Variants in KHDRBS2 observed in about 807,000 individuals in gnomAD.
KHDRBS2 encodes the protein KH domain-containing, RNA-binding, signal transduction-associated protein 2.
A neutral mutation model predicts 44.3 loss-of-function variants in KHDRBS2; 26 were observed. The ratio of observed to expected loss-of-function variants is 0.59; its 90% CI spans 0.43 to 0.81. The LOEUF is 0.81. Among genes scored for constraint, KHDRBS2 ranks in the 40% least tolerant of loss-of-function variants. The probability of loss-of-function intolerance (pLI) is 0.00; values close to 1 mark genes in which losing one functional copy is unlikely to be tolerated. For missense variants in KHDRBS2, 476 were observed against 433.1 expected, an observed-to-expected ratio of 1.10 and a Z score of -0.88; for synonymous variants, 194 against 151.1, an observed-to-expected ratio of 1.28 and a Z score of -2.08.
At chr6:62,140,015 G>T (rs1374143298) in intron 2 of KHDRBS2, among the ~76,000 whole-genome samples, 1 of 151,774 alleles carries the variant, frequency 6.6e-6, no homozygotes, top group Non-Finnish European at 1.5e-5. Context: ...TAAATGTCTG[G>T]GTATAAATAA....
chr6:62,095,021 C>T, intron 2 of KHDRBS2, among the ~76,000 whole-genome samples: 1 of 151,770 alleles, frequency 6.6e-6, no homozygotes, highest in Non-Finnish European at 1.5e-5. Flanking sequence ...TGTTTTTGCT[C>T]AGAATTGCTT....
At chr6:61,674,782 T>A in the KHDRBS2 span, among the ~76,000 whole-genome samples, 1 of 151,722 alleles carries the variant, frequency 6.6e-6, no homozygotes, top group Non-Finnish European at 1.5e-5. Flanking sequence ...CTCAGCCAGC[T>A]CAAATTACTG....
intron 3 of KHDRBS2, among the ~76,000 whole-genome samples, chr6:62,036,730 G>A (rs190351238): frequency 6.6e-6 from 1 of 151,920 alleles, no homozygotes; most frequent in African/African-American, 2.4e-5. Context: ...ATGTTTTGGG[G>A]TATTTCACAC....
chr6:62,169,710 C>T (rs912057504), intron 2 of KHDRBS2, among the ~76,000 whole-genome samples: 2 of 152,010 alleles, frequency 1.3e-5, no homozygotes, highest in African/African-American at 4.8e-5. Context: ...GAAAATGCCC[C>T]GGCCCCACTG....
At chr6:62,108,900 A>T (rs949983134) in intron 2 of KHDRBS2, among the ~76,000 whole-genome samples, 4 of 152,140 alleles carry the variant, frequency 2.6e-5, no homozygotes, top group Non-Finnish European at 4.4e-5. Context: ...GAACAATGAG[A>T]ACACATGGAC....
At chr6:62,194,988 G>A (rs1825386367) in intron 1 of KHDRBS2, among the ~76,000 whole-genome samples, 2 of 151,960 alleles carry the variant, frequency 1.3e-5, no homozygotes, top group African/African-American at 4.8e-5. Context: ...AATGTTGATA[G>A]GGATTTCACT....
At chr6:61,751,134 G>T (rs1473394033) in intron 6 of KHDRBS2, among the ~76,000 whole-genome samples, 1 of 152,098 alleles carries the variant, frequency 6.6e-6, no homozygotes, top group Non-Finnish European at 1.5e-5. Context: ...AACCTTGTAT[G>T]ATTTCTAAAG....
chr6:62,248,612 C>A (rs1289763833), intron 1 of KHDRBS2, among the ~76,000 whole-genome samples: 2 of 152,010 alleles, frequency 1.3e-5, no homozygotes, highest in Admixed American at 6.6e-5. Flanking sequence ...CTTGCCTCAG[C>A]CTCCCAAAGT....
chr6:61,621,576 A>G, the KHDRBS2 span, among the ~76,000 whole-genome samples: 1 of 152,204 alleles, frequency 6.6e-6, no homozygotes, highest in Non-Finnish European at 1.5e-5. Context: ...AATAAGGGAA[A>G]ATCTGGCCCA....
At chr6:62,194,577 T>C (rs1449628361) in intron 1 of KHDRBS2, among the ~76,000 whole-genome samples, 1 of 139,404 alleles carries the variant, frequency 7.2e-6, no homozygotes, top group Admixed American at 7.5e-5. Flanking sequence ...CTCAGCTCAC[T>C]GCAACCTCCG....
intron 1 of KHDRBS2, among the ~76,000 whole-genome samples, chr6:62,198,641 G>A (rs544535802): frequency 3.3e-5 from 5 of 152,170 alleles, no homozygotes; most frequent in East Asian, 1.9e-4. Flanking sequence ...ATTCACAGCC[G>A]AATTTTACCA....
intron 1 of KHDRBS2, among the ~76,000 whole-genome samples, chr6:62,276,446 GA>G (rs901390936): frequency 2.0e-5 from 3 of 152,170 alleles, no homozygotes; most frequent in East Asian, 1.9e-4. Flanking sequence ...AAAATGTGGG[GA>G]AAAAAATGCC....
chr6:61,562,254 C>T, the KHDRBS2 span, among the ~76,000 whole-genome samples: 1 of 152,102 alleles, frequency 6.6e-6, no homozygotes, highest in South Asian at 2.1e-4. Flanking sequence ...CTACTCTAGC[C>T]TGAGAGGCAA....
In KHDRBS2 at chr6:61,945,144, T is replaced by C. The variant is rs1172837205; in HGVS notation, c.483+32922A>G. Among the ~76,000 whole-genome samples the C allele has an allele frequency of 8.5e-5, 9 of 105,504 alleles. 1 individual carries two copies. Among genetic ancestry groups the C allele is most frequent in the African/African-American group, 2.9e-4 (8 of 27,202 alleles). 69.2% of individuals were successfully genotyped at this position (105,504 alleles called of 152,430 possible). ...ATATATATATATATATATATATATA[T>C]ATATATACACACAGACTTGTCTTGA... On this transcript the variant is annotated intron_variant, in intron 4 of 8. Transcript: ENST00000281156.
intron 6 of KHDRBS2, among the ~76,000 whole-genome samples, chr6:61,739,492 A>T (rs1775849956): frequency 1.3e-5 from 2 of 151,856 alleles, no homozygotes; most frequent in African/African-American, 2.4e-5. Flanking sequence ...TAGGAATAAT[A>T]CACTTTTAAA....
In KHDRBS2 at chr6:61,892,094, G is replaced by C. The variant is rs372794634; in HGVS notation, c.810+2541C>G. 5.9e-5 allele frequency among the ~76,000 whole-genome samples: 9 copies of C among 152,008 alleles called. No homozygotes were observed. The East Asian group carries it at 1.7e-3, about 29-fold the overall frequency. On this transcript the variant is annotated intron_variant, in intron 6 of 8. Coordinates refer to ENST00000281156, the MANE Select transcript of KHDRBS2 (RefSeq NM_152688.4). Reference sequence around the variant, plus strand: ...CAATGTGCAAAAATCACAAGCATTCGTATACACCAATAACAGACAAACAGA... The same window carrying C: ...CAATGTGCAAAAATCACAAGCATTCCTATACACCAATAACAGACAAACAGA...
intron 6 of KHDRBS2, among the ~76,000 whole-genome samples, chr6:61,773,568 A>G (rs28836281): frequency 0.59 from 85,909 of 145,122 alleles, 25,753 homozygotes; most frequent in African/African-American, 0.66. Flanking sequence ...AGTAGGTTGC[A>G]AAAATTTTCT....
At chr6:62,204,343 T>A (rs1253859107) in intron 1 of KHDRBS2, among the ~76,000 whole-genome samples, 1 of 152,174 alleles carries the variant, frequency 6.6e-6, no homozygotes, top group Non-Finnish European at 1.5e-5. Context: ...AAAGAACTGA[T>A]TCATGAAATC....
chr6:61,767,178 ATGAGT>A (rs1372702702), intron 6 of KHDRBS2, among the ~76,000 whole-genome samples: 57 of 152,134 alleles, frequency 3.7e-4, no homozygotes, highest in African/African-American at 1.3e-3. Context: ...TATACTATTG[ATGAGT>A]TGACCACTTT....
Sources: gnomAD v4.1 joint callset for allele counts (sites outside exome capture counted in the v4.1 genomes callset) on GRCh38, gnomAD v4.1.1 for gene constraint, MANE v1.5 for transcripts, NCBI Gene and HGNC (gene_info 2026-07-23, HGNC 2026-07-21) for gene names.